The following FAM135A variants were observed in gnomAD, a reference collection of about 807,000 sequenced individuals.
FAM135A encodes the protein protein FAM135A.
In FAM135A, 79 loss-of-function variants were observed where a neutral mutation model predicts 146.8. That is an observed-to-expected ratio of 0.54 (90% CI 0.45 to 0.65). FAM135A has a LOEUF of 0.65. Ranked by LOEUF, FAM135A falls within the 30% of genes least tolerant of loss-of-function variation. The pLI, the probability that FAM135A is intolerant of heterozygous loss-of-function variation, is 0.00. For missense variants in FAM135A, 1,623 were observed against 1,758.2 expected, an observed-to-expected ratio of 0.92 and a Z score of 1.38; for synonymous variants, 562 against 603.6, an observed-to-expected ratio of 0.93 and a Z score of 1.01.
intron 20 of FAM135A, among the ~76,000 whole-genome samples, chr6:70,538,847 TATATTA>T (rs1260685224): frequency 8.8e-4 from 126 of 142,996 alleles, no homozygotes; most frequent in African/African-American, 3.4e-3. Context: ...TATATTATAT[TATATTA>T]TATTATATGG....
intron 2 of FAM135A, among the ~76,000 whole-genome samples, chr6:70,425,718 CACAT>C (rs1302912085): frequency 6.6e-6 from 1 of 152,210 alleles, no homozygotes; most frequent in South Asian, 2.1e-4. Context: ...TCTTTATACA[CACAT>C]ACATACATAT....
intron 12 of FAM135A, among the ~76,000 whole-genome samples, chr6:70,519,048 G>C (rs571961875): frequency 3.9e-5 from 6 of 152,292 alleles, no homozygotes; most frequent in African/African-American, 1.4e-4. Context: ...AAACTTTTGG[G>C]AAAAAATCAC....
intron 4 of FAM135A, among the ~76,000 whole-genome samples, chr6:70,452,099 CTATT>C (rs1385990028): frequency 1.1e-4 from 16 of 150,640 alleles, no homozygotes; most frequent in African/African-American, 3.4e-4. Context: ...TTTTTAAAAA[CTATT>C]TATAATCTTC....
At chr6:70,468,745 C>T (rs1191409373) in intron 5 of FAM135A, among the ~76,000 whole-genome samples, 1 of 152,128 alleles carries the variant, frequency 6.6e-6, no homozygotes, top group African/African-American at 2.4e-5. Flanking sequence ...TAGCTGACAG[C>T]CTTCTAGGAG....
intron 20 of FAM135A, among the ~76,000 whole-genome samples, chr6:70,539,706 A>G (rs931265441): frequency 4.6e-5 from 7 of 152,124 alleles, no homozygotes; most frequent in South Asian, 2.1e-4. Flanking sequence ...AATAAAAGAC[A>G]TTGACACGGC....
At chr6:70,535,574 T>C (rs756717487) in intron 18 of FAM135A, among the ~76,000 whole-genome samples, 5 of 152,208 alleles carry the variant, frequency 3.3e-5, no homozygotes, top group Non-Finnish European at 5.9e-5. Flanking sequence ...TGAGTTGGAA[T>C]AGTTTCATCC....
At chr6:70,428,874 C>T (rs1279080316) in intron 4 of FAM135A, among the ~76,000 whole-genome samples, 2 of 152,174 alleles carry the variant, frequency 1.3e-5, no homozygotes, top group Admixed American at 6.5e-5. Context: ...ATTTAACAGT[C>T]ACCCACTGTT....
chr6:70,552,198 A>G (rs1659319658), intron 20 of FAM135A, among the ~76,000 whole-genome samples: 1 of 152,230 alleles, frequency 6.6e-6, no homozygotes, highest in Non-Finnish European at 1.5e-5. Context: ...TTATATTACT[A>G]TGAATTTTCA....
rs73474939 is a variant in FAM135A, at chr6:70,414,638, A to G, written c.-219-653A>G. 4.1e-3 allele frequency among the ~76,000 whole-genome samples: 627 copies of G among 152,016 alleles called. 3 individuals are homozygous for G. Among genetic ancestry groups the G allele is most frequent in the African/African-American group, 0.015 (606 of 41,448 alleles). Reference sequence around the variant, plus strand: ...GTCCTTGCTGCTTTCTGCCTAAGCTAGGTATCCACTCAATGTTTCTAGTTC... The same window carrying G: ...GTCCTTGCTGCTTTCTGCCTAAGCTGGGTATCCACTCAATGTTTCTAGTTC... On this transcript the variant is annotated intron_variant, in intron 1 of 21. Coordinates refer to ENST00000418814, the MANE Select transcript of FAM135A (RefSeq NM_001162529.3).
Position 70,491,009 on chromosome 6 carries a change from TTCCTC to T in FAM135A, c.824-23_824-19del, listed in dbSNP as rs769753191. 11 of 1,533,438 alleles carry T rather than the reference TTCCTC, an allele frequency of 7.2e-6. No homozygotes were observed. Among genetic ancestry groups the T allele is most frequent in the Non-Finnish European group, 7.9e-6 (9 of 1,139,068 alleles). The allele number at this position is 1,533,438 out of a possible 1,614,324, so 95.0% of individuals were successfully genotyped here. A position where few individuals can be genotyped will look rare whatever the true frequency, so the allele number is the denominator to read the frequency against. ...AATTAAATATCTAACATTGGAATAT[TTCCTC>T]TACTCTTTACTCCTTCCAGAGGAAA... On this transcript the variant is annotated intron_variant, in intron 10 of 21. Coordinates refer to ENST00000418814, the MANE Select transcript of FAM135A (RefSeq NM_001162529.3).
At chr6:70,454,840 G>C (rs1777964295) in intron 5 of FAM135A, among the ~76,000 whole-genome samples, 1 of 152,140 alleles carries the variant, frequency 6.6e-6, no homozygotes, top group Non-Finnish European at 1.5e-5. Flanking sequence ...TAGCCTTGTA[G>C]TATAGTTTGA....
chr6:70,506,791 G>A (rs1193541728), intron 12 of FAM135A, among the ~76,000 whole-genome samples: 1 of 148,310 alleles, frequency 6.7e-6, no homozygotes. Flanking sequence ...AGCAGACAGG[G>A]TATTTTTTTA....
At chr6:70,535,193 C>T (rs574697041) in intron 18 of FAM135A, among the ~76,000 whole-genome samples, 2 of 152,178 alleles carry the variant, frequency 1.3e-5, no homozygotes, top group South Asian at 2.1e-4. Context: ...AAGTTCAGTT[C>T]GGGAGGGAAG....
At chr6:70,464,833 ATTTTTTT>A (rs67408160) in intron 5 of FAM135A, among the ~76,000 whole-genome samples, 1,296 of 64,252 alleles carry the variant, frequency 0.02, 47 homozygotes, top group African/African-American at 0.088. Context: ...CGCCTGGCCA[ATTTTTTT>A]TTTTTTTTTT....
At chr6:70,494,491 T>C (rs1252496694) in intron 11 of FAM135A, among the ~76,000 whole-genome samples, 1 of 151,986 alleles carries the variant, frequency 6.6e-6, no homozygotes, top group African/African-American at 2.4e-5. Flanking sequence ...TGAAACCTTG[T>C]CTCAAGTTTA....
chr6:70,425,390 C>T (rs912002212), intron 2 of FAM135A, among the ~76,000 whole-genome samples: 1 of 152,062 alleles, frequency 6.6e-6, no homozygotes, highest in African/African-American at 2.4e-5. Context: ...ACATCATTTC[C>T]ACAAAATGGG....
intron 11 of FAM135A, among the ~76,000 whole-genome samples, chr6:70,491,439 T>G (rs1345319241): frequency 1.3e-5 from 2 of 151,964 alleles, no homozygotes; most frequent in African/African-American, 2.4e-5. Flanking sequence ...TTGTTTTATT[T>G]CAGTAGATCA....
intron 2 of FAM135A, among the ~76,000 whole-genome samples, chr6:70,415,625 C>T (rs976948505): frequency 2.6e-5 from 4 of 152,076 alleles, no homozygotes; most frequent in Non-Finnish European, 4.4e-5. Context: ...GAAGCTTGCA[C>T]TTCCTTCAAA....
At chr6:70,531,346 T>C (rs1795767576) in intron 16 of FAM135A, among the ~76,000 whole-genome samples, 1 of 152,210 alleles carries the variant, frequency 6.6e-6, no homozygotes, top group African/African-American at 2.4e-5. Flanking sequence ...TTGTGTTTTG[T>C]CTTCAAGATG....
Sources: allele counts gnomAD v4.1 joint callset (sites outside exome capture counted in the v4.1 genomes callset), GRCh38; gene constraint gnomAD v4.1.1; transcripts MANE v1.5; gene names NCBI Gene and HGNC (gene_info 2026-07-23, HGNC 2026-07-21).